GNAI2: variants seen among roughly 807,000 people sequenced by gnomAD.
The protein encoded by GNAI2 is guanine nucleotide-binding protein G(i) subunit alpha-2.
Under a neutral mutation model 36.8 loss-of-function variants are expected in GNAI2, and 4 were observed. The observed-to-expected ratio is 0.11, with a 90% confidence interval of 0.05 to 0.25. GNAI2 has a LOEUF of 0.25. GNAI2 is among the 10% of genes least tolerant of loss of function. The pLI, the probability that GNAI2 is intolerant of heterozygous loss-of-function variation, is 1.00. For missense variants in GNAI2, 230 were observed against 481.3 expected, an observed-to-expected ratio of 0.48 and a Z score of 4.89; for synonymous variants, 194 against 194.1, an observed-to-expected ratio of 1.00 and a Z score of 0.01.
In GNAI2 at chr3:50,257,618, C is replaced by G. The variant is rs782260219; in HGVS notation, c.996C>G (p.Asn332Lys). The change falls in exon 8 of 9, where the codon AAC becomes AAG. Residue 332 changes from asparagine to lysine, a missense_variant. Asn to Lys is a moderately conservative substitution (Grantham distance 94). Around this residue, in one of 4 missense-constraint regions of GNAI2, gnomAD observed 17 missense variants for 48.5 expected, o/e 0.35. Transcript: ENST00000313601. ...THFTCATDTK[N>K]VQFVFDAVTD... is the part of the protein sequence containing the mutation. ...TCACGTGCGCCACCGACACCAAGAACGTGCAGTTCGTGTTTGACGCCGTCA... is the reference window on the plus strand; with the variant it reads ...TCACGTGCGCCACCGACACCAAGAAGGTGCAGTTCGTGTTTGACGCCGTCA... 1 of 1,610,630 alleles carries G rather than the reference C, an allele frequency of 6.2e-7. No homozygotes were observed. The highest frequency in any genetic ancestry group is 1.7e-5 in the Admixed American group (1 of 59,660).
chr3:50,253,601 G>A lies in GNAI2; in HGVS notation c.464+417G>A, dbSNP rs1207053187. On this transcript the variant is annotated intron_variant, in intron 4 of 8. Coordinates refer to ENST00000313601, the MANE Select transcript of GNAI2 (RefSeq NM_002070.4). This position sits in a 1 kb window ranked among gnomAD's most constrained non-coding sequence, Gnocchi z 4.2. Reference sequence around the variant, plus strand: ...CTACTAAAAATACAAAAAATTAGCCGGGCGTGGTGGAGGGCGCCTGTAGTC... The same window carrying A: ...CTACTAAAAATACAAAAAATTAGCCAGGCGTGGTGGAGGGCGCCTGTAGTC... 6.6e-6 allele frequency among the ~76,000 whole-genome samples: 1 copy of A among 152,168 alleles called. No individual in the cohort carries two copies. Among genetic ancestry groups the A allele is most frequent in the Non-Finnish European group, 1.5e-5 (1 of 68,032 alleles).
At chr3:50,228,096 C>G (rs1700010074), upstream of GNAI2, among the ~76,000 whole-genome samples, 1 of 152,212 alleles carries the variant, frequency 6.6e-6, no homozygotes, top group Non-Finnish European at 1.5e-5. Context: ...TAATTGCTCC[C>G]CGCCCCCTCA....
At chr3:50,230,653 G>T, upstream of GNAI2, 1 of 216,086 alleles carries the variant, frequency 4.6e-6, no homozygotes, top group Non-Finnish European at 7.9e-6. Flanking sequence ...TGCTGCCTGT[G>T]GTGAGCCCCA....
rs375647506 is a variant in GNAI2 at position 50,252,981 on chromosome 3, G to A, written c.304-43G>A. ...GTCTCCCTGCCTCTGGCAGAGTGGG[G>A]GTACATTCCTTCAACTGCCTGACCA... is the stretch of plus-strand genomic sequence containing the variant. On this transcript the variant is annotated intron_variant, in intron 3 of 8. Coordinates refer to ENST00000313601, the MANE Select transcript of GNAI2 (RefSeq NM_002070.4). This position sits in a 1 kb window ranked among gnomAD's most constrained non-coding sequence, Gnocchi z 4.1. The A allele has an allele frequency of 3.0e-5, 46 of 1,528,214 alleles. No individual in the cohort carries two copies. The African/African-American group carries it at 5.6e-4, about 18-fold the overall frequency. 94.7% of individuals were successfully genotyped at this position (1,528,214 alleles called of 1,614,324 possible). A position where few individuals can be genotyped will look rare whatever the true frequency, so the allele number is the denominator to read the frequency against.
rs190465801 is a variant in GNAI2, at chr3:50,240,808, A to G, written c.118+4355A>G. 1.5e-3 allele frequency among the ~76,000 whole-genome samples: 225 copies of G among 150,790 alleles called. 1 individual carries two copies. The highest frequency in any genetic ancestry group is 3.4e-3 in the Middle Eastern group (1 of 294). On this transcript the variant is annotated intron_variant, in intron 1 of 8. Coordinates refer to ENST00000313601, the MANE Select transcript of GNAI2 (RefSeq NM_002070.4). ...GTGGTATGTGCCTGTAATCCCAGCTATTCGGGAGGCTGAGGCACGAGAATC... is the reference window on the plus strand; with the variant it reads ...GTGGTATGTGCCTGTAATCCCAGCTGTTCGGGAGGCTGAGGCACGAGAATC...
intron 1 of GNAI2, among the ~76,000 whole-genome samples, chr3:50,246,609 G>C (rs1553701807): frequency 6.6e-6 from 1 of 152,224 alleles, no homozygotes; most frequent in African/African-American, 2.4e-5. Flanking sequence ...GAGCTGGGCC[G>C]CTGCCCAAGT....
At chr3:50,234,356 CTTTTT>C (rs1402222902), upstream of GNAI2, among the ~76,000 whole-genome samples, 1 of 134,300 alleles carries the variant, frequency 7.4e-6, no homozygotes, top group African/African-American at 2.7e-5. Context: ...CGTGCCCGGT[CTTTTT>C]TTTTTTTTTT....
intron 1 of GNAI2, chr3:50,246,853 GAA>G: frequency 7.1e-7 from 1 of 1,401,466 alleles, no homozygotes; most frequent in South Asian, 1.5e-5. Context: ...GGGTTATACT[GAA>G]GGGAAGTGAC....
upstream of GNAI2, chr3:50,236,169 C>G (rs921230195): frequency 8.6e-7 from 1 of 1,167,828 alleles, no homozygotes; most frequent in African/African-American, 1.6e-5. This position sits in a 1 kb window ranked among gnomAD's most constrained non-coding sequence, Gnocchi z 4.0. Context: ...CCCGCCCCGC[C>G]GTCGGTGCGC....
intron 1 of GNAI2, among the ~76,000 whole-genome samples, chr3:50,244,352 A>T (rs2096155460): frequency 6.6e-6 from 1 of 151,702 alleles, no homozygotes; most frequent in South Asian, 2.1e-4. Context: ...TTGACTTCCC[A>T]CTTTTTCTCC....
rs1157019849 is a variant in GNAI2 at position 50,258,993 on chromosome 3, C to T, written c.*650C>T. On this transcript the variant is annotated 3_prime_UTR_variant, in exon 9 of 9. Coordinates refer to ENST00000313601, the MANE Select transcript of GNAI2 (RefSeq NM_002070.4). ...AGCAAGCCCCCCCCCAGCCCCCCTT[C>T]CAAGTGACTCCGTGCCTTGAGTGTG... The T allele has an allele frequency of 1.1e-5, 5 of 441,636 alleles. No individual in the cohort carries two copies. Among genetic ancestry groups the T allele is most frequent in the Non-Finnish European group, 2.2e-5 (5 of 223,230 alleles). 27.4% of individuals were successfully genotyped at this position (441,636 alleles called of 1,614,324 possible). A position where few individuals can be genotyped will look rare whatever the true frequency, so the allele number is the denominator to read the frequency against.
rs2109171143 is a variant in GNAI2 at position 50,231,034 on chromosome 3, C to A, written c.-39+36C>A. On this transcript the variant is annotated intron_variant, in intron 1 of 8. Transcript: ENST00000266027. ...TCAGCTCTCAGCCTTAATTTTCTCG[C>A]TAGCCCTTCCCCAGACCCCTGCCTC... 3 of 818,812 alleles carry A rather than the reference C, an allele frequency of 3.7e-6. No individual in the cohort carries two copies. In the East Asian group the frequency reaches 3.7e-4, roughly 101 times the overall value. 50.7% of individuals were successfully genotyped at this position (818,812 alleles called of 1,614,324 possible). A position where few individuals can be genotyped will look rare whatever the true frequency, so the allele number is the denominator to read the frequency against.
chr3:50,233,895 T>C (rs1056979023), upstream of GNAI2, among the ~76,000 whole-genome samples: 1 of 142,144 alleles, frequency 7.0e-6, no homozygotes, highest in Non-Finnish European at 1.5e-5. Flanking sequence ...CAAGGTTCTT[T>C]TTTTTTTTTT....
intron 1 of GNAI2, among the ~76,000 whole-genome samples, chr3:50,240,830 A>G (rs1447457742): frequency 6.6e-6 from 1 of 151,266 alleles, no homozygotes; most frequent in African/African-American, 2.4e-5. Context: ...GAGGCACGAG[A>G]ATCGCTTGAA....
Position 50,241,669 on chromosome 3 carries a change from G to A in GNAI2, c.118+5216G>A, listed in dbSNP as rs879949355. Among the ~76,000 whole-genome samples the A allele has an allele frequency of 2.1e-4, 32 of 152,332 alleles. No homozygotes were observed. The highest frequency in any genetic ancestry group is 3.7e-4 in the Non-Finnish European group (25 of 68,022). On this transcript the variant is annotated intron_variant, in intron 1 of 8. Transcript: ENST00000313601. The surrounding 1 kb of genome is among the most constrained non-coding windows in gnomAD (Gnocchi z 5.0). ...GGTGTGAGGACAGAGAGAATGAGCCGCGCTGCTGTGGCAGGAGGTGGAAGT... is the reference window on the plus strand; with the variant it reads ...GGTGTGAGGACAGAGAGAATGAGCCACGCTGCTGTGGCAGGAGGTGGAAGT...
At chr3:50,246,947 C>A in intron 1 of GNAI2, 1 of 1,487,734 alleles carries the variant, frequency 6.7e-7, no homozygotes, top group Non-Finnish European at 8.9e-7. Context: ...GGAACCACCA[C>A]AGCTCTGAAT....
intron 1 of GNAI2, among the ~76,000 whole-genome samples, chr3:50,244,733 G>A (rs1393396663): frequency 6.6e-6 from 1 of 152,198 alleles, no homozygotes; most frequent in Non-Finnish European, 1.5e-5. Flanking sequence ...GTGGGGCCTT[G>A]CCCTCTCTTG....
chr3:50,234,337 G>A (rs995507862), upstream of GNAI2, among the ~76,000 whole-genome samples: 1 of 151,096 alleles, frequency 6.6e-6, no homozygotes, highest in Non-Finnish European at 1.5e-5. Flanking sequence ...GATTACAGGC[G>A]TGAGCCACCG....
At chr3:50,232,297 T>C (rs1243611103), upstream of GNAI2, among the ~76,000 whole-genome samples, 1 of 152,126 alleles carries the variant, frequency 6.6e-6, no homozygotes, top group Non-Finnish European at 1.5e-5. Flanking sequence ...GCCACTGCGC[T>C]CCAGCTTGGG....
Sources: allele counts gnomAD v4.1 joint callset (sites outside exome capture counted in the v4.1 genomes callset), GRCh38; gene constraint gnomAD v4.1.1; regional missense constraint gnomAD v4.1.1; non-coding constraint Gnocchi (gnomAD v3.1); transcripts MANE v1.5; gene names NCBI Gene and HGNC (gene_info 2026-07-23, HGNC 2026-07-21).